The following DGKI variants were observed in gnomAD, a reference collection of about 807,000 sequenced individuals.
DGKI encodes the protein diacylglycerol kinase iota, also known as DAG kinase iota.
A neutral mutation model predicts 147.5 loss-of-function variants in DGKI; 55 were observed. The observed-to-expected ratio is 0.37, with a 90% CI of 0.30 to 0.47. The LOEUF (loss-of-function observed/expected upper bound fraction) is 0.47. Ranked by LOEUF, DGKI falls within the 20% of genes least tolerant of loss-of-function variation. The pLI is 1.00. For missense variants in DGKI, 1,007 were observed against 1,323.8 expected (o/e 0.76, Z 3.71); for synonymous variants, 469 against 477.1 (o/e 0.98, Z 0.22).
chr7:137,564,237 T>C (rs1219334191), intron 19 of DGKI, among the ~76,000 whole-genome samples: 1 of 152,186 alleles, frequency 6.6e-6, no homozygotes, highest in Non-Finnish European at 1.5e-5. Flanking sequence ...TTGAGCTGAA[T>C]CATATACTTA....
intron 20 of DGKI, among the ~76,000 whole-genome samples, chr7:137,527,313 C>G (rs1379823206): frequency 6.6e-6 from 1 of 152,054 alleles, no homozygotes; most frequent in African/African-American, 2.4e-5. Flanking sequence ...TTTATTCAGT[C>G]CTAGATAATA....
intron 1 of DGKI, among the ~76,000 whole-genome samples, chr7:137,716,215 C>T (rs748835819): frequency 2.0e-5 from 3 of 152,272 alleles, no homozygotes; most frequent in South Asian, 2.1e-4. Context: ...CTGGGAATCA[C>T]GGAACATTCT....
At chr7:137,546,015 A>T in intron 20 of DGKI, 1 of 697,678 alleles carries the variant, frequency 1.4e-6, no homozygotes, top group East Asian at 2.7e-5. Context: ...CAGCGTGGAC[A>T]GACAAGGAAC....
chr7:137,548,395 G>C (rs1222513584), intron 20 of DGKI, among the ~76,000 whole-genome samples: 1 of 152,134 alleles, frequency 6.6e-6, no homozygotes, highest in Non-Finnish European at 1.5e-5. Flanking sequence ...GAGGTGTTTG[G>C]GTCATGGGGG....
intron 23 of DGKI, among the ~76,000 whole-genome samples, chr7:137,482,434 C>A (rs1001597812): frequency 2.0e-5 from 3 of 151,886 alleles, no homozygotes; most frequent in Non-Finnish European, 4.4e-5. Flanking sequence ...TCTCCTCCGG[C>A]CTTGTAGTTT....
chr7:137,590,401 G>A (rs1819567481), intron 12 of DGKI, among the ~76,000 whole-genome samples: 1 of 152,164 alleles, frequency 6.6e-6, no homozygotes, highest in Non-Finnish European at 1.5e-5. Flanking sequence ...TCCCCAGGGT[G>A]GAGCCATAGG....
intron 1 of DGKI, among the ~76,000 whole-genome samples, chr7:137,823,040 G>A (rs1244225893): frequency 6.6e-6 from 1 of 150,494 alleles, no homozygotes; most frequent in Non-Finnish European, 1.5e-5. Flanking sequence ...TTGGGGAGGA[G>A]GAAAATATTC....
At chr7:137,488,576 T>G (rs1369097236) in intron 21 of DGKI, among the ~76,000 whole-genome samples, 1 of 152,140 alleles carries the variant, frequency 6.6e-6, no homozygotes, top group Non-Finnish European at 1.5e-5. Flanking sequence ...ATTAAATCCA[T>G]GATCTAACAT....
intron 1 of DGKI, among the ~76,000 whole-genome samples, chr7:137,835,360 A>C (rs1186568948): frequency 6.6e-6 from 1 of 152,126 alleles, no homozygotes; most frequent in African/African-American, 2.4e-5. Flanking sequence ...AATTTTCTCC[A>C]TATGTTCAAC....
chr7:137,782,849 A>G (rs1489728207), intron 1 of DGKI, among the ~76,000 whole-genome samples: 1 of 152,206 alleles, frequency 6.6e-6, no homozygotes, highest in East Asian at 1.9e-4. Context: ...ACCAGCTCAG[A>G]GCTCTGTAGC....
chr7:137,700,280 C>G (rs760144961), intron 1 of DGKI, among the ~76,000 whole-genome samples: 1 of 152,122 alleles, frequency 6.6e-6, no homozygotes, highest in Non-Finnish European at 1.5e-5. Context: ...AGCTGGGGAA[C>G]ACAGCATTAC....
At chr7:137,514,526 T>C (rs1361987606) in intron 21 of DGKI, among the ~76,000 whole-genome samples, 1 of 152,202 alleles carries the variant, frequency 6.6e-6, no homozygotes, top group Non-Finnish European at 1.5e-5. Flanking sequence ...CTGATTCCAA[T>C]GAACAAGCTC....
intron 28 of DGKI, among the ~76,000 whole-genome samples, chr7:137,430,087 A>C (rs1242109532): frequency 8.4e-6 from 1 of 119,350 alleles, no homozygotes; most frequent in Non-Finnish European, 1.7e-5. Context: ...TCATGCTGCT[A>C]TAAAGACACA....
intron 1 of DGKI, among the ~76,000 whole-genome samples, chr7:137,717,268 A>C (rs1794406363): frequency 1.3e-5 from 2 of 152,186 alleles, no homozygotes; most frequent in Admixed American, 1.3e-4. Flanking sequence ...TTTAGTCGTG[A>C]GAAGAAATGG....
chr7:137,576,496 C>T (rs962007216), intron 17 of DGKI, among the ~76,000 whole-genome samples: 10 of 152,102 alleles, frequency 6.6e-5, no homozygotes, highest in African/African-American at 1.4e-4. Context: ...AGTCATGTTC[C>T]TTCCTTCTTT....
intron 26 of DGKI, 36 bp from the exon 27 acceptor site, chr7:137,463,647 C>A (rs1563033852): frequency 1.9e-6 from 3 of 1,599,646 alleles, no homozygotes; most frequent in African/African-American, 1.3e-5. Flanking sequence ...GTTAAACATT[C>A]AAAGTCAGCC....
intron 27 of DGKI, among the ~76,000 whole-genome samples, chr7:137,450,295 A>G (rs1457757751): frequency 6.6e-6 from 1 of 152,254 alleles, no homozygotes; most frequent in African/African-American, 2.4e-5. Flanking sequence ...GTGCTCTCAC[A>G]ATAAAATTTA....
At chr7:137,403,867 C>G (rs993051685) in intron 30 of DGKI, among the ~76,000 whole-genome samples, 1 of 151,702 alleles carries the variant, frequency 6.6e-6, no homozygotes, top group Admixed American at 6.6e-5. Flanking sequence ...TTTTCATTTA[C>G]ATGAATTCAA....
intron 21 of DGKI, among the ~76,000 whole-genome samples, chr7:137,510,534 G>A (rs1270787857): frequency 1.3e-5 from 2 of 152,228 alleles, no homozygotes; most frequent in African/African-American, 2.4e-5. Flanking sequence ...GGCCAGGCTA[G>A]CCAGATACAT....
Sources: allele counts gnomAD v4.1 joint callset (sites outside exome capture counted in the v4.1 genomes callset), GRCh38; gene constraint gnomAD v4.1.1; transcripts MANE v1.5; gene names NCBI Gene and HGNC (gene_info 2026-07-23, HGNC 2026-07-21).